DNAJC9: variants seen among roughly 807,000 people sequenced by gnomAD.
DNAJC9 encodes dnaJ homolog subfamily C member 9.
In DNAJC9, 18 loss-of-function variants were observed where a neutral mutation model predicts 32.4. The observed-to-expected ratio is 0.56, with a 90% CI of 0.38 to 0.82. The LOEUF (loss-of-function observed/expected upper bound fraction) is 0.82, where lower values mean the gene tolerates loss of function less well. DNAJC9 is among the 40% of genes least tolerant of loss of function. The pLI is 0.00. For synonymous variants in DNAJC9, 113 were observed against 122.1 expected, an observed-to-expected ratio of 0.93 and a Z score of 0.49; for missense variants, 310 against 321.8, an observed-to-expected ratio of 0.96 and a Z score of 0.28.
downstream of DNAJC9, among the ~76,000 whole-genome samples, chr10:73,237,838 C>A (rs560532039): frequency 3.3e-5 from 5 of 152,142 alleles, no homozygotes; most frequent in African/African-American, 1.2e-4. Context: ...ATCCTCCCAC[C>A]GCAGCCTCCC....
At chr10:73,246,888 G>A (rs756811506) in intron 1 of DNAJC9, 60 bp from the exon 2 acceptor site, 103 of 1,608,580 alleles carry the variant, frequency 6.4e-5, no homozygotes, top group Non-Finnish European at 8.2e-5. Context: ...GGCGGCGCGA[G>A]AAATAAAGAT....
downstream of DNAJC9, chr10:73,234,489 C>A: frequency 3.7e-6 from 1 of 267,570 alleles, no homozygotes; most frequent in Non-Finnish European, 7.2e-6. Flanking sequence ...TCAAGAATTC[C>A]ATCATCAGCT....
intron 4 of DNAJC9, 49 bp from the exon 5 acceptor site, chr10:73,243,568 G>A: frequency 6.2e-7 from 1 of 1,610,376 alleles, no homozygotes; most frequent in Non-Finnish European, 8.5e-7. Context: ...TCCATAGACA[G>A]AAAGTACCTA....
chr10:73,245,935 G>A lies in DNAJC9; in HGVS notation c.563C>T (p.Ala188Val), dbSNP rs981963960. The change falls in exon 3 of 5, where the codon GCA becomes GTA. Residue 188 changes from alanine to valine, a missense_variant. Transcript: ENST00000372950. The part of the protein sequence containing the change: ...FVKESKQKMN[A>V]RKRRAQEEAK... ...TCAAAATCTTACCCTCCTTTTCCTT[G>A]CATTCATCTTTTGTTTCGATTCTTT... is the stretch of plus-strand genomic sequence containing the variant. The A allele has an allele frequency of 1.2e-6, 2 of 1,610,582 alleles. No homozygotes were observed. The highest frequency in any genetic ancestry group is 1.7e-6 in the Non-Finnish European group (2 of 1,179,098).
At chr10:73,235,345 T>A, downstream of DNAJC9, 1 of 1,550,622 alleles carries the variant, frequency 6.4e-7, no homozygotes, top group Non-Finnish European at 8.7e-7. Context: ...CCTAGAATGG[T>A]CTTGATAGTT....
At position 73,246,005 on chromosome 10, in the gene DNAJC9, G is replaced by C; in HGVS notation, c.493C>G (p.Gln165Glu). The C allele has an allele frequency of 6.2e-7, 1 of 1,613,620 alleles. No homozygotes were observed. The highest frequency in any genetic ancestry group is 2.2e-5 in the East Asian group (1 of 44,860). Reference protein sequence around the residue: ...EEPRIRNIIQQAIDAGEVPSY... With the variant: ...EEPRIRNIIQEAIDAGEVPSY... Reference sequence around the variant, plus strand: ...GGGACCTCTCCGGCGTCAATAGCTTGCTGAATGATATTCCTTATCCTGGGT... The same window carrying C: ...GGGACCTCTCCGGCGTCAATAGCTTCCTGAATGATATTCCTTATCCTGGGT... Residue 165 changes from glutamine (Q) to glutamate (E), a missense_variant, in exon 3 of 5, where the codon CAA becomes GAA. Gln to Glu is a conservative substitution (Grantham distance 29). Coordinates refer to ENST00000372950, the MANE Select transcript of DNAJC9 (RefSeq NM_015190.5).
chr10:73,239,210 C>CACTTGA (rs1287009314), downstream of DNAJC9: 17 of 982,682 alleles, frequency 1.7e-5, no homozygotes, highest in Non-Finnish European at 2.5e-5. Flanking sequence ...TAGTCTATGC[C>CACTTGA]TTTTACCACT....
At chr10:73,239,329 T>C (rs1324794135), downstream of DNAJC9, 1 of 1,551,562 alleles carries the variant, frequency 6.4e-7, no homozygotes, top group Non-Finnish European at 8.7e-7. Flanking sequence ...CACAGTATCG[T>C]CGCTCATGTG....
downstream of DNAJC9, chr10:73,234,553 T>C: frequency 2.5e-6 from 1 of 402,544 alleles, no homozygotes; most frequent in South Asian, 3.0e-5. Context: ...TAGGGACAAA[T>C]GTTTTATTCC....
At position 73,247,133 on chromosome 10, in the gene DNAJC9, C is replaced by T; in HGVS notation, c.57G>A (p.Val19=). Residue 19 remains valine (V), a synonymous_variant, in exon 1 of 5, where the codon GTG becomes GTA. Coordinates refer to ENST00000372950, the MANE Select transcript of DNAJC9 (RefSeq NM_015190.5). ...EVFGTADLYR[V]LGVRREASDG... ...CGGAGGCCTCGCGTCGCACGCCCAGCACCCGGTAAAGGTCGGCGGTGCCGA... is the reference window on the plus strand; with the variant it reads ...CGGAGGCCTCGCGTCGCACGCCCAGTACCCGGTAAAGGTCGGCGGTGCCGA... 1 of 1,596,108 alleles carries T rather than the reference C, an allele frequency of 6.3e-7. No homozygotes were observed.
At chr10:73,235,713 T>G (rs1161824969), downstream of DNAJC9, among the ~76,000 whole-genome samples, 2 of 152,160 alleles carry the variant, frequency 1.3e-5, no homozygotes, top group African/African-American at 4.8e-5. Context: ...TAAAAAATTT[T>G]TTTCAGAAGC....
downstream of DNAJC9, chr10:73,239,400 TG>T: frequency 6.5e-7 from 1 of 1,546,268 alleles, no homozygotes; most frequent in East Asian, 2.4e-5. Flanking sequence ...GGTGGGGCCA[TG>T]GCCCTTATTT....
chr10:73,238,346 T>TC (rs2043869124), downstream of DNAJC9, among the ~76,000 whole-genome samples: 1 of 151,802 alleles, frequency 6.6e-6, no homozygotes, highest in Non-Finnish European at 1.5e-5. Flanking sequence ...GAAGACTCTG[T>TC]CCCCCCACAA....
At chr10:73,245,657 T>C (rs1246966482) in intron 3 of DNAJC9, among the ~76,000 whole-genome samples, 1 of 152,118 alleles carries the variant, frequency 6.6e-6, no homozygotes, top group Non-Finnish European at 1.5e-5. Flanking sequence ...CTACAAGAAT[T>C]GGCCTACATG....
downstream of DNAJC9, chr10:73,235,468 T>C: frequency 7.0e-7 from 1 of 1,436,598 alleles, no homozygotes; most frequent in South Asian, 1.5e-5. Context: ...ATAAATACAT[T>C]TTGTTCAAAT....
At chr10:73,243,621 T>C in intron 4 of DNAJC9, 102 bp from the exon 5 acceptor site, 1 of 1,447,670 alleles carries the variant, frequency 6.9e-7, no homozygotes, top group African/African-American at 1.4e-5. Context: ...TACTAATGGG[T>C]ATGGAGTTTT....
chr10:73,246,880 C>A (rs747285811), intron 1 of DNAJC9, 52 bp from the exon 2 acceptor site: 22 of 1,608,810 alleles, frequency 1.4e-5, no homozygotes, highest in East Asian at 2.2e-5. Flanking sequence ...ACCGAAACGG[C>A]GGCGCGAGAA....
At chr10:73,245,755 G>GT (rs1251348337) in intron 3 of DNAJC9, among the ~76,000 whole-genome samples, 167 bp downstream of exon 3, 1 of 152,158 alleles carries the variant, frequency 6.6e-6, no homozygotes, top group Non-Finnish European at 1.5e-5. Context: ...GCTAGAAAAA[G>GT]TTTCTCTTGA....
At chr10:73,235,037 G>C (rs1000896327), downstream of DNAJC9, 11 of 1,493,310 alleles carry the variant, frequency 7.4e-6, no homozygotes, top group Admixed American at 1.2e-4. Flanking sequence ...TTTATACTGT[G>C]TTTTGTCAAA....
Sources: gnomAD v4.1 joint callset for allele counts (sites outside exome capture counted in the v4.1 genomes callset) on GRCh38, gnomAD v4.1.1 for gene constraint, MANE v1.5 for transcripts, NCBI Gene and HGNC (gene_info 2026-07-23, HGNC 2026-07-21) for gene names.